Variants in GLIS3 observed in about 807,000 individuals in gnomAD.
GLIS3 encodes GLIS family zinc finger 3.
A neutral mutation model predicts 78.6 loss-of-function variants in GLIS3; 53 were observed. The observed-to-expected ratio is 0.67, with a 90% CI of 0.54 to 0.85. The LOEUF (loss-of-function observed/expected upper bound fraction) is 0.85. Ranked by LOEUF, GLIS3 falls within the 40% of genes least tolerant of loss-of-function variation. The probability of loss-of-function intolerance (pLI) is 0.00; values close to 1 mark genes in which losing one functional copy is unlikely to be tolerated. For missense variants in GLIS3, 1,703 were observed against 1,231.1 expected (o/e 1.38, Z -5.74); for synonymous variants, 684 against 509.9 (o/e 1.34, Z -4.60).
intron 4 of GLIS3, among the ~76,000 whole-genome samples, chr9:4,069,906 C>A (rs945671410): frequency 1.3e-5 from 2 of 151,968 alleles, no homozygotes; most frequent in Non-Finnish European, 2.9e-5. Context: ...GAAGCGGAAG[C>A]CTGTGGATGT....
At chr9:3,894,562 T>C (rs1249676118) in intron 7 of GLIS3, among the ~76,000 whole-genome samples, 1 of 152,224 alleles carries the variant, frequency 6.6e-6, no homozygotes, top group Non-Finnish European at 1.5e-5. Flanking sequence ...TATATGGTGC[T>C]ATTTCTTACA....
intron 2 of GLIS3, among the ~76,000 whole-genome samples, chr9:4,340,542 C>T (rs1020084924): frequency 6.6e-6 from 1 of 152,116 alleles, no homozygotes; most frequent in Non-Finnish European, 1.5e-5. Context: ...TAGGGTTAAG[C>T]TTCTGTGTAT....
At chr9:4,131,176 ATTAAC>A (rs1327657686) in intron 2 of GLIS3, among the ~76,000 whole-genome samples, 1 of 152,162 alleles carries the variant, frequency 6.6e-6, no homozygotes, top group African/African-American at 2.4e-5. Context: ...CTTAGCAGTA[ATTAAC>A]TTGTTTTTTG....
chr9:4,400,547 G>A, the GLIS3 span, among the ~76,000 whole-genome samples: 1 of 152,196 alleles, frequency 6.6e-6, no homozygotes. Context: ...TTTGTCAAAA[G>A]TTGTAAAAGA....
At chr9:4,180,453 C>T (rs1042898933) in intron 2 of GLIS3, among the ~76,000 whole-genome samples, 1 of 152,134 alleles carries the variant, frequency 6.6e-6, no homozygotes, top group South Asian at 2.1e-4. Flanking sequence ...AGCAAGGATG[C>T]CCCCACATAA....
At chr9:4,271,294 C>T (rs1323987610) in intron 2 of GLIS3, among the ~76,000 whole-genome samples, 1 of 152,148 alleles carries the variant, frequency 6.6e-6, no homozygotes, top group Non-Finnish European at 1.5e-5. Context: ...ACTATGTTAT[C>T]AGCAAGGCTT....
At chr9:4,337,509 T>G (rs904172947) in intron 2 of GLIS3, among the ~76,000 whole-genome samples, 1 of 152,236 alleles carries the variant, frequency 6.6e-6, no homozygotes, top group Non-Finnish European at 1.5e-5. Context: ...ATTCTGAACA[T>G]TTCTATGTAC....
chr9:4,056,121 A>G (rs886352805), intron 4 of GLIS3, among the ~76,000 whole-genome samples: 2 of 152,216 alleles, frequency 1.3e-5, no homozygotes, highest in African/African-American at 4.8e-5. Flanking sequence ...GATTATATGC[A>G]GCCTAGATAT....
the GLIS3 span, among the ~76,000 whole-genome samples, chr9:4,462,441 C>T: frequency 2.1e-4 from 32 of 152,194 alleles, no homozygotes; most frequent in African/African-American, 7.2e-4. Flanking sequence ...TAGGATTCTA[C>T]CACAGATCAG....
At chr9:4,403,029 C>T in the GLIS3 span, among the ~76,000 whole-genome samples, 1 of 152,150 alleles carries the variant, frequency 6.6e-6, no homozygotes. Context: ...ATTAATCAAA[C>T]ACTCAAAGGT....
intron 4 of GLIS3, among the ~76,000 whole-genome samples, chr9:3,971,546 A>C (rs1818383168): frequency 6.6e-6 from 1 of 152,182 alleles, no homozygotes; most frequent in South Asian, 2.1e-4. Context: ...ATTGCACAAC[A>C]AAGACACAGA....
At chr9:4,317,524 TATGAA>T (rs1817458804) in intron 2 of GLIS3, among the ~76,000 whole-genome samples, 1 of 152,228 alleles carries the variant, frequency 6.6e-6, no homozygotes, top group African/African-American at 2.4e-5. Flanking sequence ...ACAAAATCCC[TATGAA>T]ATAACAATGG....
intron 4 of GLIS3, among the ~76,000 whole-genome samples, chr9:4,030,039 C>T (rs1264128982): frequency 1.3e-5 from 2 of 152,166 alleles, no homozygotes; most frequent in Non-Finnish European, 2.9e-5. Flanking sequence ...TCCACAGTGG[C>T]TGTACTAATT....
chr9:4,470,285 G>A, the GLIS3 span, among the ~76,000 whole-genome samples: 1 of 151,898 alleles, frequency 6.6e-6, no homozygotes, highest in Non-Finnish European at 1.5e-5. Context: ...TGCAAACCCT[G>A]GCAGAGACAA....
chr9:4,157,304 T>A (rs1455639670), intron 2 of GLIS3, among the ~76,000 whole-genome samples: 1 of 152,164 alleles, frequency 6.6e-6, no homozygotes, highest in South Asian at 2.1e-4. Flanking sequence ...CAAATTGGTG[T>A]GACTTACAGT....
At chr9:3,847,892 G>A (rs928810783) in intron 9 of GLIS3, among the ~76,000 whole-genome samples, 18 of 152,292 alleles carry the variant, frequency 1.2e-4, no homozygotes, top group Middle Eastern at 3.4e-3. Context: ...CTGTGTAAGC[G>A]TTAATAACAT....
the GLIS3 span, among the ~76,000 whole-genome samples, chr9:4,386,240 G>A: frequency 2.6e-5 from 4 of 152,102 alleles, no homozygotes; most frequent in African/African-American, 7.2e-5. Flanking sequence ...CTATATTACA[G>A]TTATCTCATT....
chr9:4,295,085 A>G (rs1816364502), intron 1 of GLIS3, among the ~76,000 whole-genome samples: 1 of 152,212 alleles, frequency 6.6e-6, no homozygotes, highest in African/African-American at 2.4e-5. Flanking sequence ...CTGGGTAGGC[A>G]TGTTATTCTT....
chr9:3,897,472 T>C (rs1051064731), intron 7 of GLIS3, among the ~76,000 whole-genome samples: 2 of 152,228 alleles, frequency 1.3e-5, no homozygotes, highest in Non-Finnish European at 2.9e-5. Flanking sequence ...TATTTATGTA[T>C]GTGTTGGTAA....
Sources: allele counts gnomAD v4.1 joint callset (sites outside exome capture counted in the v4.1 genomes callset), GRCh38; gene constraint gnomAD v4.1.1; transcripts MANE v1.5; gene names NCBI Gene and HGNC (gene_info 2026-07-23, HGNC 2026-07-21).